PADI6: variants seen among roughly 807,000 people sequenced by gnomAD.
PADI6 encodes the protein peptidyl arginine deiminase 6.
In PADI6, 66 loss-of-function variants were observed where a neutral mutation model predicts 78.2. That is an observed-to-expected ratio of 0.84 (90% confidence interval 0.69 to 1.04). The LOEUF (loss-of-function observed/expected upper bound fraction) is 1.04, where lower values mean the gene tolerates loss of function less well. Among genes scored for constraint, PADI6 ranks in the 50% least tolerant of loss-of-function variants. The probability of loss-of-function intolerance (pLI) is 0.00; values close to 1 mark genes in which losing one functional copy is unlikely to be tolerated. For missense variants in PADI6, 854 were observed against 866.1 expected (o/e 0.99, Z 0.18); for synonymous variants, 397 against 346.9 (o/e 1.14, Z -1.60).
intron 14 of PADI6, among the ~76,000 whole-genome samples, chr1:17,398,421 T>A (rs1414520067): frequency 6.6e-6 from 1 of 152,124 alleles, no homozygotes; most frequent in Non-Finnish European, 1.5e-5. Flanking sequence ...TGGTCTGGGT[T>A]GAGAAGTGCC....
chr1:17,397,231 GAAGTGTT>G, intron 14 of PADI6, 90 bp downstream of exon 14: 9 of 1,441,398 alleles, frequency 6.2e-6, no homozygotes, highest in Non-Finnish European at 7.7e-6. Context: ...CCTGAGGGGT[GAAGTGTT>G]GGGCGGCGGG....
At chr1:17,386,264 C>T (rs1017867201) in intron 6 of PADI6, among the ~76,000 whole-genome samples, 2 of 152,206 alleles carry the variant, frequency 1.3e-5, no homozygotes, top group Non-Finnish European at 2.9e-5. Flanking sequence ...ACACCTACCA[C>T]AGCTCCTAGC....
At chr1:17,392,251 T>C in intron 9 of PADI6, 26 bp downstream of exon 9, 1 of 1,511,284 alleles carries the variant, frequency 6.6e-7, no homozygotes, top group Non-Finnish European at 9.0e-7. Flanking sequence ...GGAACCCACC[T>C]GTCGGGGAGG....
intron 1 of PADI6, 141 bp from the exon 2 acceptor site, chr1:17,372,915 G>A: frequency 1.2e-6 from 1 of 831,420 alleles, no homozygotes; most frequent in Non-Finnish European, 1.8e-6. Flanking sequence ...GGGGTGGGTA[G>A]GAATAAGGAC....
chr1:17,395,925 G>C (rs555700340), intron 13 of PADI6, among the ~76,000 whole-genome samples: 31 of 152,132 alleles, frequency 2.0e-4, no homozygotes, highest in Non-Finnish European at 2.8e-4. Context: ...GGCCCCAAGT[G>C]GGGGGAAAAC....
chr1:17,395,593 GA>G lies in PADI6; in HGVS notation c.1551del (p.Lys517AsnfsTer39). On this transcript the variant is annotated frameshift_variant, in exon 13 of 16. Transcript: ENST00000619609. LOFTEE classifies it high-confidence loss of function. Reference protein sequence around the residue: ...PSACYKLFREKQKEGYGDALL... With the variant: ...PSACYKLFREXQKEGYGDALL... Reference sequence around the variant, plus strand: ...GTGCCTGCTATAAACTGTTCCGAGAGAAACAGAAGGAAGGCTATGGCGACGC... The same window carrying G: ...GTGCCTGCTATAAACTGTTCCGAGAGAACAGAAGGAAGGCTATGGCGACGC... The G allele has an allele frequency of 6.3e-7, 1 of 1,593,852 alleles. No individual in the cohort carries two copies. The highest frequency in any genetic ancestry group is 2.3e-5 in the East Asian group (1 of 44,242).
intron 2 of PADI6, among the ~76,000 whole-genome samples, chr1:17,374,633 A>G (rs1340210935): frequency 2.0e-5 from 3 of 152,134 alleles, no homozygotes; most frequent in Admixed American, 6.5e-5. Flanking sequence ...TCGCAAAAAA[A>G]GGTATCTCAG....
chr1:17,396,978 A>C (rs1570151348), intron 13 of PADI6, 93 bp from the exon 14 acceptor site: 6 of 985,462 alleles, frequency 6.1e-6, no homozygotes, highest in Non-Finnish European at 9.1e-6. Flanking sequence ...CCAGGAATGC[A>C]CCCAGGTGGC....
At chr1:17,390,974 C>A (rs1275347744) in intron 8 of PADI6, among the ~76,000 whole-genome samples, 1 of 152,306 alleles carries the variant, frequency 6.6e-6, no homozygotes, top group African/African-American at 2.4e-5. Context: ...TCAGACTGTT[C>A]TAGACCTTGT....
At position 17,394,473 on chromosome 1, in the gene PADI6, C is replaced by A; in HGVS notation, c.1337+19C>A. 1 of 1,608,672 alleles carries A rather than the reference C, an allele frequency of 6.2e-7. No homozygotes were observed. The highest frequency in any genetic ancestry group is 8.5e-7 in the Non-Finnish European group (1 of 1,176,702). On this transcript the variant is annotated intron_variant, in intron 11 of 15. Transcript: ENST00000619609. ...ACCCCAGGTGAGCCACAAAGCCAGA[C>A]GCCTCCAAATGAAAGGAAGGGACCA...
intron 11 of PADI6, 78 bp from the exon 12 acceptor site, chr1:17,394,873 G>C (rs2075229599): frequency 6.8e-7 from 1 of 1,461,430 alleles, no homozygotes; most frequent in South Asian, 1.4e-5. Flanking sequence ...CTCCCTGGAG[G>C]CAGCATGACA....
At chr1:17,395,699 G>A in intron 13 of PADI6, 36 bp downstream of exon 13, 1 of 1,580,012 alleles carries the variant, frequency 6.3e-7, no homozygotes, top group Non-Finnish European at 8.6e-7. Flanking sequence ...CAGAACTGGG[G>A]TCTTCCTTTT....
intron 9 of PADI6, among the ~76,000 whole-genome samples, chr1:17,393,409 C>T (rs2100319159): frequency 6.6e-6 from 1 of 152,304 alleles, no homozygotes; most frequent in East Asian, 1.9e-4. Flanking sequence ...ATCACAGTGG[C>T]ATAGGGTGGA....
At chr1:17,392,061 C>A (rs1363296655) in intron 8 of PADI6, 53 bp from the exon 9 acceptor site, 7 of 1,445,814 alleles carry the variant, frequency 4.8e-6, no homozygotes, top group South Asian at 1.2e-5. Flanking sequence ...GAGGTCATAA[C>A]CAGTAAGGGA....
intron 4 of PADI6, among the ~76,000 whole-genome samples, chr1:17,380,645 A>G (rs543538732): frequency 4.6e-5 from 7 of 152,134 alleles, no homozygotes; most frequent in African/African-American, 1.7e-4. Context: ...TACTGGGATC[A>G]GAACTGATTA....
At chr1:17,372,592 G>A (rs1255855997) in intron 1 of PADI6, among the ~76,000 whole-genome samples, 1 of 152,164 alleles carries the variant, frequency 6.6e-6, no homozygotes, top group Non-Finnish European at 1.5e-5. Context: ...AGTGAGGCAA[G>A]GGCCTTGGCC....
In PADI6 at chr1:17,395,089, C is replaced by T. The variant is rs184467722; in HGVS notation, c.1476C>T (p.Asp492=). Residue 492 remains aspartate (D), a synonymous_variant, in exon 12 of 16, where the codon GAC becomes GAT. Coordinates refer to ENST00000619609, the MANE Select transcript of PADI6 (RefSeq NM_207421.4). Reference sequence around the variant, plus strand: ...TCATGTGCTTCATCCCCACAGATGACAAGAATGAGGGCAAAAAGGTCTGCT... The same window carrying T: ...TCATGTGCTTCATCCCCACAGATGATAAGAATGAGGGCAAAAAGGTCTGCT... The part of the protein sequence containing the change: ...DEFMCFIPTD[D]KNEGKKGFLL... 1 of 1,613,750 alleles carries T rather than the reference C, an allele frequency of 6.2e-7. No homozygotes were observed. Among genetic ancestry groups the T allele is most frequent in the African/African-American group, 1.3e-5 (1 of 74,998 alleles).
At chr1:17,397,803 A>T (rs960494463) in intron 14 of PADI6, among the ~76,000 whole-genome samples, 1 of 152,190 alleles carries the variant, frequency 6.6e-6, no homozygotes, top group Admixed American at 6.5e-5. Context: ...TCCCAAGTTC[A>T]TGTGTTGCTC....
intron 5 of PADI6, 71 bp from the exon 6 acceptor site, chr1:17,381,896 C>G (rs1466735047): frequency 6.3e-7 from 1 of 1,587,266 alleles, no homozygotes; most frequent in Non-Finnish European, 8.6e-7. Context: ...CCCCTCTCTA[C>G]TGCTCTTCCC....
Sources: gnomAD v4.1 joint callset for allele counts (sites outside exome capture counted in the v4.1 genomes callset) on GRCh38, gnomAD v4.1.1 for gene constraint, MANE v1.5 for transcripts, NCBI Gene and HGNC (gene_info 2026-07-23, HGNC 2026-07-21) for gene names.